KCNN2: variants seen among roughly 807,000 people sequenced by gnomAD.
KCNN2 encodes the protein small conductance calcium-activated potassium channel protein 2.
KCNN2 carries 24 observed loss-of-function variants against 55.5 expected under a neutral mutation model. The observed-to-expected ratio is 0.43, with a 90% confidence interval of 0.31 to 0.61. The LOEUF (loss-of-function observed/expected upper bound fraction) is 0.61. KCNN2 is among the 20% of genes least tolerant of loss of function. The pLI, the probability that KCNN2 is intolerant of heterozygous loss-of-function variation, is 0.08. For missense variants in KCNN2, 754 were observed against 853.6 expected (o/e 0.88, Z 1.45); for synonymous variants, 431 against 336.1 (o/e 1.28, Z -3.09).
chr5:114,078,355 T>C (rs1330513353), intron 1 of KCNN2, among the ~76,000 whole-genome samples: 1 of 152,122 alleles, frequency 6.6e-6, no homozygotes, highest in Admixed American at 6.5e-5. Flanking sequence ...ACACATAAAC[T>C]AGGGAGCTTT....
intron 1 of KCNN2, among the ~76,000 whole-genome samples, chr5:114,095,747 G>A (rs1215420748): frequency 6.6e-6 from 1 of 152,086 alleles, no homozygotes; most frequent in Non-Finnish European, 1.5e-5. Context: ...TTCCTAGGAT[G>A]GGACTCCTCT....
chr5:114,167,958 A>C lies in KCNN2; in HGVS notation c.-270-53522A>C, dbSNP rs542485036. On this transcript the variant is annotated intron_variant, in intron 1 of 10. Coordinates refer to the KCNN2 transcript ENST00000512097. The stretch of plus-strand genomic sequence containing the variant: ...CTGGGCTCTTTTATTTAGCATATTG[A>C]TTTTCAGATTCATTCATGTGATTGC... 6.6e-5 allele frequency among the ~76,000 whole-genome samples: 10 copies of C among 152,030 alleles called. No individual in the cohort carries two copies. The South Asian group carries it at 1.2e-3, about 19-fold the overall frequency.
chr5:114,194,649 TGTC>T (rs1262931857), intron 1 of KCNN2, among the ~76,000 whole-genome samples: 4 of 152,074 alleles, frequency 2.6e-5, no homozygotes, highest in Non-Finnish European at 5.9e-5. Flanking sequence ...TTCAGTAGAT[TGTC>T]TTTTCAATTT....
In KCNN2 at chr5:114,269,434, T is replaced by A. The variant is rs535718410; in HGVS notation, c.-185+47869T>A. On this transcript the variant is annotated intron_variant, in intron 2 of 10. Transcript: ENST00000512097. ...AGGTAAAGGGGTTTCTCTAAAGTTC[T>A]TAGCTCAAACTCTACTTCCTATCTG... 2.0e-5 allele frequency among the ~76,000 whole-genome samples: 3 copies of A among 152,178 alleles called. No homozygotes were observed. The East Asian group carries it at 5.8e-4, about 29-fold the overall frequency.
At chr5:114,228,854 A>G (rs1159359188) in intron 2 of KCNN2, among the ~76,000 whole-genome samples, 1 of 152,072 alleles carries the variant, frequency 6.6e-6, no homozygotes, top group South Asian at 2.1e-4. Context: ...TTTGTCATTT[A>G]TATTTTCTCT....
chr5:114,121,021 A>G (rs73782165), intron 1 of KCNN2, among the ~76,000 whole-genome samples: 2,554 of 152,276 alleles, frequency 0.017, 78 homozygotes, highest in African/African-American at 0.058. Flanking sequence ...GTCTTCCTTG[A>G]AATTTTCTAA....
chr5:114,472,436 C>T (rs1841248), intron 4 of KCNN2, among the ~76,000 whole-genome samples: 121,914 of 152,114 alleles, frequency 0.8, 49,301 homozygotes, highest in East Asian at 0.96. Flanking sequence ...TGTTAGTAAA[C>T]CTGTAAAATG....
At chr5:114,434,827 G>A (rs867278342) in intron 3 of KCNN2, among the ~76,000 whole-genome samples, 2 of 152,086 alleles carry the variant, frequency 1.3e-5, no homozygotes, top group African/African-American at 4.8e-5. Flanking sequence ...AGATCACTCC[G>A]GGGGGAGATG....
At chr5:114,490,769 C>A (rs1288195218) in intron 6 of KCNN2, 2 of 398,000 alleles carry the variant, frequency 5.0e-6, no homozygotes, top group Non-Finnish European at 4.4e-6. Context: ...CCAGCAGATC[C>A]TTTATTTGTG....
At chr5:114,326,881 T>C (rs1756724923) in intron 2 of KCNN2, among the ~76,000 whole-genome samples, 1 of 152,186 alleles carries the variant, frequency 6.6e-6, no homozygotes, top group Non-Finnish European at 1.5e-5. Flanking sequence ...CTGCTAATAG[T>C]GTATTCTGAC....
intron 1 of KCNN2, among the ~76,000 whole-genome samples, chr5:114,078,252 A>G (rs1167090963): frequency 6.6e-6 from 1 of 152,214 alleles, no homozygotes; most frequent in Non-Finnish European, 1.5e-5. Context: ...CAGTGATTTA[A>G]GGCAAATTAG....
intron 2 of KCNN2, among the ~76,000 whole-genome samples, chr5:114,402,437 C>T (rs1561609295): frequency 6.6e-6 from 1 of 152,124 alleles, no homozygotes; most frequent in African/African-American, 2.4e-5. Context: ...TTTTAGTCAA[C>T]AGTAGAAGTT....
intron 2 of KCNN2, among the ~76,000 whole-genome samples, chr5:114,273,279 A>G (rs1024246927): frequency 1.8e-4 from 27 of 152,274 alleles, no homozygotes; most frequent in African/African-American, 6.3e-4. Context: ...TCTATCATTG[A>G]TGGACATTTG....
Position 114,427,572 on chromosome 5 carries a change from G to A in KCNN2, c.1637+22716G>A, listed in dbSNP as rs1759666571. On this transcript the variant is annotated intron_variant, in intron 3 of 7. Coordinates refer to ENST00000673685, the MANE Select transcript of KCNN2 (RefSeq NM_021614.4). ...GTGTTTATAGAATTTGTACTCTGGA[G>A]CAGTTTACACCATTTGGTGATAAAA... Among the ~76,000 whole-genome samples the A allele has an allele frequency of 2.0e-5, 3 of 152,334 alleles. No homozygotes were observed. The South Asian group carries it at 6.2e-4, about 32-fold the overall frequency.
At chr5:114,272,131 C>G (rs577690145) in intron 2 of KCNN2, among the ~76,000 whole-genome samples, 3 of 152,166 alleles carry the variant, frequency 2.0e-5, no homozygotes, top group African/African-American at 7.2e-5. Flanking sequence ...AATACCTTCC[C>G]TCAAAGAGTA....
intron 2 of KCNN2, among the ~76,000 whole-genome samples, chr5:114,247,406 T>G (rs1489389082): frequency 1.3e-5 from 2 of 152,106 alleles, no homozygotes. Context: ...AACAATGCAT[T>G]ATTAAATTTT....
At chr5:114,495,840 A>G in intron 7 of KCNN2, 55 bp from the exon 8 acceptor site, 1 of 1,526,566 alleles carries the variant, frequency 6.6e-7, no homozygotes, top group Non-Finnish European at 9.0e-7. Context: ...TGAGAGGTGG[A>G]CAGTTTGTGT....
At chr5:114,458,753 A>C (rs1761050831) in intron 3 of KCNN2, among the ~76,000 whole-genome samples, 1 of 152,196 alleles carries the variant, frequency 6.6e-6, no homozygotes, top group African/African-American at 2.4e-5. Context: ...CAGAGAGGGA[A>C]CCAGGCTTGG....
Position 114,407,271 on chromosome 5 carries a change from C to T in KCNN2, c.1637+2415C>T, listed in dbSNP as rs1758964522. On this transcript the variant is annotated intron_variant, in intron 3 of 7. Coordinates refer to ENST00000673685, the MANE Select transcript of KCNN2 (RefSeq NM_021614.4). ...AGATAATGGCCCTCCTATATTATTC[C>T]CTAATTTTCTTATTCTTTGTTTATA... 4.0e-5 allele frequency among the ~76,000 whole-genome samples: 6 copies of T among 151,492 alleles called. 2 individuals carry two copies. The South Asian group carries it at 1.2e-3, about 32-fold the overall frequency.
Sources: gnomAD v4.1 joint callset for allele counts (sites outside exome capture counted in the v4.1 genomes callset) on GRCh38, gnomAD v4.1.1 for gene constraint, MANE v1.5 for transcripts, NCBI Gene and HGNC (gene_info 2026-07-23, HGNC 2026-07-21) for gene names.